FRY: variants seen among roughly 807,000 people sequenced by gnomAD.
FRY encodes the protein protein furry homolog.
A neutral mutation model predicts 348.4 loss-of-function variants in FRY; 128 were observed. The ratio of observed to expected loss-of-function variants is 0.37; its 90% CI spans 0.32 to 0.43. FRY has a LOEUF of 0.43. FRY is among the 20% of genes least tolerant of loss of function. The pLI, the probability that FRY is intolerant of heterozygous loss-of-function variation, is 1.00. For missense variants in FRY, 2,736 were observed against 3,695.2 expected (o/e 0.74, Z 6.73); for synonymous variants, 1,370 against 1,374.7 (o/e 1.00, Z 0.08).
chr13:32,189,327 G>T (rs1476499350), intron 28 of FRY, among the ~76,000 whole-genome samples: 2 of 151,710 alleles, frequency 1.3e-5, no homozygotes, highest in Non-Finnish European at 2.9e-5. Flanking sequence ...AGTTTATTTT[G>T]GTGCAAAAAA....
chr13:32,202,045 GTATCA>G lies in FRY; in HGVS notation c.3846+7_3846+11del. On this transcript the variant is annotated splice_donor_region_variant and intron_variant, in intron 30 of 60. Transcript: ENST00000542859. ...ATCTCCATGCAGCTCATGCAGGCAC[GTATCA>G]TTTACTGGCATAGAAAATATCCATC... 6.6e-7 allele frequency: 1 copy of G among 1,507,834 alleles called. No individual in the cohort carries two copies. Among genetic ancestry groups the G allele is most frequent in the Non-Finnish European group, 9.2e-7 (1 of 1,083,582 alleles). The allele number at this position is 1,507,834 out of a possible 1,614,324, so 93.4% of individuals were successfully genotyped here.
At chr13:32,186,527 T>C (rs1275193227) in intron 27 of FRY, 107 bp downstream of exon 27, 5 of 780,036 alleles carry the variant, frequency 6.4e-6, no homozygotes, top group Non-Finnish European at 1.1e-5. Context: ...TACAATATCA[T>C]AGAATAAAAT....
intron 1 of FRY, among the ~76,000 whole-genome samples, chr13:32,075,416 T>C (rs1874984191): frequency 6.6e-6 from 1 of 152,216 alleles, no homozygotes; most frequent in Non-Finnish European, 1.5e-5. Context: ...CTTTTGCTAC[T>C]AGCATTTCTA....
At chr13:32,210,226 A>G (rs1884608705) in intron 33 of FRY, among the ~76,000 whole-genome samples, 1 of 152,190 alleles carries the variant, frequency 6.6e-6, no homozygotes, top group East Asian at 1.9e-4. Flanking sequence ...TACAGTTGGT[A>G]TTTAAAAGTG....
In FRY at chr13:32,289,684, C is replaced by G. The variant is rs1405327778; in HGVS notation, c.8521C>G (p.Leu2841Val). The change falls in exon 59 of 61, where the codon CTT becomes GTT. Residue 2841 changes from leucine to valine, a missense_variant. Leu to Val is a conservative substitution (Grantham distance 32). This residue lies in a region of FRY where 2 missense variants were observed against 16.4 expected (regional missense o/e 0.12). Transcript: ENST00000542859. ...LYKLHFQLLL[L>V]FQSYCKLIGQ... The stretch of plus-strand genomic sequence containing the variant: ...TAAGCTACACTTCCAGCTGCTATTG[C>G]TTTTTCAGTCCTACTGTAAGCTCAT... 6.2e-7 allele frequency: 1 copy of G among 1,612,894 alleles called. No individual in the cohort carries two copies. The highest frequency in any genetic ancestry group is 8.5e-7 in the Non-Finnish European group (1 of 1,178,964).
intron 40 of FRY, among the ~76,000 whole-genome samples, chr13:32,229,078 G>A (rs1885770906): frequency 6.6e-6 from 1 of 152,138 alleles, no homozygotes; most frequent in South Asian, 2.1e-4. Flanking sequence ...AGCTGCCAAG[G>A]GGACCATTGT....
intron 1 of FRY, among the ~76,000 whole-genome samples, chr13:32,051,631 C>A (rs187772953): frequency 8.1e-4 from 124 of 152,300 alleles, no homozygotes; most frequent in African/African-American, 2.8e-3. Flanking sequence ...CAGGAAATCA[C>A]AATTTTTCAA....
In FRY at chr13:32,228,328, A is replaced by G. The variant is rs912565256; in HGVS notation, c.5207-128A>G. On this transcript the variant is annotated intron_variant, in intron 39 of 60. Coordinates refer to ENST00000542859, the MANE Select transcript of FRY (RefSeq NM_023037.3). ...TCTCATTTAATCATAGCCACAGCCG[A>G]AAGCAACCATTTTCTCCCCAGAATT... 6 of 802,964 alleles carry G rather than the reference A, an allele frequency of 7.5e-6. No homozygotes were observed. The African/African-American group carries it at 1.0e-4, about 13-fold the overall frequency. 49.7% of individuals were successfully genotyped at this position (802,964 alleles called of 1,614,324 possible). A position where few individuals can be genotyped will look rare whatever the true frequency, so the allele number is the denominator to read the frequency against.
At chr13:32,151,478 A>G (rs1400085248) in intron 14 of FRY, among the ~76,000 whole-genome samples, 1 of 152,272 alleles carries the variant, frequency 6.6e-6, no homozygotes, top group African/African-American at 2.4e-5. Context: ...AGCAGATGTC[A>G]TACACTTGAT....
chr13:32,248,750 AT>A (rs895629956), intron 48 of FRY, among the ~76,000 whole-genome samples: 10 of 151,980 alleles, frequency 6.6e-5, no homozygotes, highest in African/African-American at 1.4e-4. Flanking sequence ...CCATTTTCAC[AT>A]TTTTTTTAAC....
chr13:32,089,355 G>C (rs1016283406), intron 2 of FRY, among the ~76,000 whole-genome samples: 26 of 152,116 alleles, frequency 1.7e-4, no homozygotes, highest in African/African-American at 5.8e-4. Context: ...CAATTCCTAA[G>C]TTGTAATCAC....
chr13:32,179,907 T>C, intron 23 of FRY, 108 bp downstream of exon 23: 1 of 1,129,056 alleles, frequency 8.9e-7, no homozygotes, highest in African/African-American at 1.5e-5. Context: ...CCAGAGAGTT[T>C]ATAGGCTTTG....
At chr13:32,048,991 C>T (rs920965580) in intron 1 of FRY, among the ~76,000 whole-genome samples, 1 of 152,258 alleles carries the variant, frequency 6.6e-6, no homozygotes, top group African/African-American at 2.4e-5. Flanking sequence ...GGCCCAGCTC[C>T]TGCCTTCTCT....
rs1882497354 is a variant in FRY at position 32,178,403 on chromosome 13, G to A, written c.2648G>A (p.Arg883Gln). The change falls in exon 21 of 61, where the codon CGG becomes CAG. Residue 883 changes from arginine (R) to glutamine (Q), a missense_variant. Physicochemically the swap from Arg to Gln is conservative, Grantham distance 43. Around this residue, in one of 9 missense-constraint regions of FRY, gnomAD observed 449 missense variants for 576.9 expected, o/e 0.78. Coordinates refer to ENST00000542859, the MANE Select transcript of FRY (RefSeq NM_023037.3). ...LSYAWPYAFTRLQSVMPLVDP... is the reference protein window; with the variant it reads ...LSYAWPYAFTQLQSVMPLVDP... ...TATGCCTGGCCTTATGCCTTCACTC[G>A]GCTCCAGTCGGTGATGCCTCTGGTG... is the stretch of plus-strand genomic sequence containing the variant. 1 of 1,614,050 alleles carries A rather than the reference G, an allele frequency of 6.2e-7. No homozygotes were observed. Among genetic ancestry groups the A allele is most frequent in the Non-Finnish European group, 8.5e-7 (1 of 1,179,968 alleles).
intron 36 of FRY, among the ~76,000 whole-genome samples, chr13:32,221,713 A>G (rs559967446): frequency 2.8e-4 from 43 of 152,286 alleles, no homozygotes; most frequent in African/African-American, 7.5e-4. Flanking sequence ...GGGTTTCACC[A>G]TGCTGGCCAC....
rs1566150226 is a variant in FRY, at chr13:32,228,661, A to G, written c.5405+7A>G. 9 of 1,612,770 alleles carry G rather than the reference A, an allele frequency of 5.6e-6. No individual in the cohort carries two copies. The highest frequency in any genetic ancestry group is 7.6e-6 in the Non-Finnish European group (9 of 1,178,744). On this transcript the variant is annotated splice_region_variant and intron_variant, in intron 40 of 60. Coordinates refer to ENST00000542859, the MANE Select transcript of FRY (RefSeq NM_023037.3). Reference sequence around the variant, plus strand: ...TTGAGTTTCTCACGACCAGGTAATAAGGGGTTAGGAGTCCGCTGCTGTTTG... The same window carrying G: ...TTGAGTTTCTCACGACCAGGTAATAGGGGGTTAGGAGTCCGCTGCTGTTTG...
At chr13:32,218,900 T>C in intron 36 of FRY, 69 bp downstream of exon 36, 1 of 865,044 alleles carries the variant, frequency 1.2e-6, no homozygotes, top group East Asian at 2.5e-5. Context: ...ATGAGTGTTC[T>C]GATTGTTCTT....
chr13:32,059,604 T>C (rs1474740863), intron 1 of FRY, among the ~76,000 whole-genome samples: 1 of 152,092 alleles, frequency 6.6e-6, no homozygotes, highest in Non-Finnish European at 1.5e-5. Flanking sequence ...TGATATTGTG[T>C]AGTAATGGTG....
chr13:32,088,001 G>A (rs1593597910), intron 2 of FRY, among the ~76,000 whole-genome samples: 1 of 152,146 alleles, frequency 6.6e-6, no homozygotes, highest in African/African-American at 2.4e-5. Context: ...TTGCAAGTTG[G>A]TTGTTTTTCT....
Sources: gnomAD v4.1 joint callset for allele counts (sites outside exome capture counted in the v4.1 genomes callset) on GRCh38, gnomAD v4.1.1 for gene constraint, gnomAD v4.1.1 regional missense constraint, MANE v1.5 for transcripts, NCBI Gene and HGNC (gene_info 2026-07-23, HGNC 2026-07-21) for gene names.